The following LRP2BP variants were observed in gnomAD, a reference collection of about 807,000 sequenced individuals.
LRP2BP encodes the protein LRP2-binding protein.
LRP2BP carries 38 observed loss-of-function variants against 45.2 expected under a neutral mutation model. The observed-to-expected ratio is 0.84, with a 90% confidence interval of 0.65 to 1.10. LRP2BP has a LOEUF of 1.10. Among genes scored for constraint, LRP2BP ranks in the 50% least tolerant of loss-of-function variants. The pLI is 0.00. For synonymous variants in LRP2BP, 153 were observed against 153.9 expected (o/e 0.99, Z 0.04); for missense variants, 385 against 418.9 (o/e 0.92, Z 0.71).
intron 1 of LRP2BP, among the ~76,000 whole-genome samples, chr4:185,380,456 C>T (rs1006076726): frequency 6.6e-6 from 1 of 152,124 alleles, no homozygotes; most frequent in African/African-American, 2.4e-5. Context: ...CTGGTGGTTT[C>T]TGGTGATGTC....
chr4:185,395,214 ATAAC>A lies in LRP2BP; in HGVS notation c.-461_-458del, dbSNP rs2095498670. The A allele has an allele frequency of 3.0e-6, 3 of 985,444 alleles. No homozygotes were observed. The highest frequency in any genetic ancestry group is 3.6e-6 in the Non-Finnish European group (3 of 829,902). The allele number at this position is 985,444 out of a possible 1,614,324, so 61.0% of individuals were successfully genotyped here. On this transcript the variant is annotated 5_prime_UTR_variant, in exon 1 of 9. Coordinates refer to ENST00000505916, the MANE Select transcript of LRP2BP (RefSeq NM_001377440.1). The stretch of plus-strand genomic sequence containing the variant: ...TACGTATGTAACAGGAAGTTAAAAA[ATAAC>A]TACCACTTAATGCATACTGAACAGA...
In LRP2BP at chr4:185,367,261, A is replaced by G; in HGVS notation, c.979-16T>C. 6 of 1,607,342 alleles carry G rather than the reference A, an allele frequency of 3.7e-6. No individual in the cohort carries two copies. The highest frequency in any genetic ancestry group is 5.1e-6 in the Non-Finnish European group (6 of 1,175,088). The stretch of plus-strand genomic sequence containing the variant: ...GACGACAAGCCTTAAAATCAAAAAG[A>G]GTCAGATATTTAGATACATTCTAAT... On this transcript the variant is annotated splice_polypyrimidine_tract_variant and intron_variant, in intron 8 of 8. Transcript: ENST00000505916.
chr4:185,386,306 A>G (rs754738805), intron 1 of LRP2BP, among the ~76,000 whole-genome samples: 11 of 152,240 alleles, frequency 7.2e-5, no homozygotes, highest in Non-Finnish European at 1.0e-4. Flanking sequence ...AATGAACAAA[A>G]ATGAAAAGCA....
rs377259263 is a variant in LRP2BP, at chr4:185,374,066, C to A, written c.579+69G>T. 1.2e-5 allele frequency: 15 copies of A among 1,278,086 alleles called. No homozygotes were observed. In the African/African-American group the frequency reaches 1.5e-4, roughly 13 times the overall value. 79.2% of individuals were successfully genotyped at this position (1,278,086 alleles called of 1,614,324 possible). ...TTAAAACGACATTCCCCACCATTTT[C>A]TCAAAAAAAGCAGTGAAACAAATAT... is the stretch of plus-strand genomic sequence containing the variant. On this transcript the variant is annotated intron_variant, in intron 6 of 8. Transcript: ENST00000505916.
intron 1 of LRP2BP, among the ~76,000 whole-genome samples, chr4:185,392,558 A>G (rs996384742): frequency 5.9e-5 from 9 of 152,094 alleles, no homozygotes; most frequent in Non-Finnish European, 8.8e-5. Flanking sequence ...TGAAGCCCAG[A>G]ATTATATTTG....
intron 1 of LRP2BP, among the ~76,000 whole-genome samples, chr4:185,390,127 A>T (rs936273774): frequency 6.6e-6 from 1 of 152,216 alleles, no homozygotes; most frequent in Non-Finnish European, 1.5e-5. Context: ...ATCTACTTCG[A>T]AACAAGTTTT....
chr4:185,373,775 T>C (rs2095424055), intron 6 of LRP2BP, among the ~76,000 whole-genome samples: 1 of 152,246 alleles, frequency 6.6e-6, no homozygotes, highest in African/African-American at 2.4e-5. Flanking sequence ...ATGGATTTTA[T>C]TTGTAACTAA....
chr4:185,379,680 G>A (rs2095449501), intron 1 of LRP2BP, among the ~76,000 whole-genome samples: 1 of 152,022 alleles, frequency 6.6e-6, no homozygotes, highest in Non-Finnish European at 1.5e-5. Context: ...ACGAAATAAG[G>A]TTCATTATGA....
Position 185,366,127 on chromosome 4 carries a change from G to A in LRP2BP, c.*1053C>T, listed in dbSNP as rs140419974. 7 of 152,292 alleles carry A rather than the reference G, an allele frequency of 4.6e-5. No homozygotes were observed. Among genetic ancestry groups the A allele is most frequent in the African/African-American group, 1.7e-4 (7 of 41,552 alleles). 9.4% of individuals were successfully genotyped at this position (152,292 alleles called of 1,614,324 possible). ...TAAGGTATCTCTGAGACCTGTCTTC[G>A]ATATGTATATTTGTTTCACAAATGA... is the stretch of plus-strand genomic sequence containing the variant. On this transcript the variant is annotated 3_prime_UTR_variant, in exon 9 of 9. Coordinates refer to ENST00000505916, the MANE Select transcript of LRP2BP (RefSeq NM_001377440.1).
chr4:185,396,807 C>T (rs2095504576), upstream of LRP2BP: 3 of 1,132,414 alleles, frequency 2.6e-6, no homozygotes, highest in Non-Finnish European at 3.9e-6. Flanking sequence ...GAAGTCCCAG[C>T]GGTCTTTAAA....
At chr4:185,383,674 T>C (rs1420542447) in intron 1 of LRP2BP, among the ~76,000 whole-genome samples, 1 of 152,248 alleles carries the variant, frequency 6.6e-6, no homozygotes, top group African/African-American at 2.4e-5. Flanking sequence ...CTGGTTTTGC[T>C]GTGTTTAAAC....
At chr4:185,387,925 C>T (rs2126838262) in intron 1 of LRP2BP, among the ~76,000 whole-genome samples, 1 of 152,316 alleles carries the variant, frequency 6.6e-6, no homozygotes, top group Non-Finnish European at 1.5e-5. Context: ...TGATTCCTCC[C>T]TCTCTAACTC....
In LRP2BP at chr4:185,377,948, A is replaced by T. The variant is rs187062564; in HGVS notation, c.106+133T>A. The T allele has an allele frequency of 5.7e-6, 4 of 706,944 alleles. No individual in the cohort carries two copies. In the Admixed American group the frequency reaches 1.3e-4, roughly 23 times the overall value. The allele number at this position is 706,944 out of a possible 1,614,324, so 43.8% of individuals were successfully genotyped here. On this transcript the variant is annotated intron_variant, in intron 2 of 8. Coordinates refer to ENST00000505916, the MANE Select transcript of LRP2BP (RefSeq NM_001377440.1). ...CAATTTCACAGATTCTTGCGGGAAA[A>T]CTCAAAAGGACTAATGATTAACCAC...
At chr4:185,378,727 T>A (rs995256148) in intron 1 of LRP2BP, 5 of 985,832 alleles carry the variant, frequency 5.1e-6, no homozygotes, top group Non-Finnish European at 6.0e-6. Flanking sequence ...TGGATCACAG[T>A]TGAATGGTAA....
intron 1 of LRP2BP, among the ~76,000 whole-genome samples, chr4:185,383,030 A>G (rs1456995359): frequency 4.6e-5 from 7 of 152,160 alleles, no homozygotes; most frequent in Non-Finnish European, 1.5e-5. Context: ...TTGCATGTGG[A>G]TATCCATTTG....
At chr4:185,376,103 GTTGAGGGGACA>G (rs2095436558) in intron 3 of LRP2BP, among the ~76,000 whole-genome samples, 1 of 152,120 alleles carries the variant, frequency 6.6e-6, no homozygotes, top group Non-Finnish European at 1.5e-5. Flanking sequence ...CATTACTGAA[GTTGAGGGGACA>G]GCTGGCATAG....
In LRP2BP at chr4:185,376,889, G is replaced by T; in HGVS notation, c.216+20C>A. ...CAACAGAATTACAGGAAATGAAAAC[G>T]AATAAACAAAAAATGATACCTCTTC... On this transcript the variant is annotated intron_variant, in intron 3 of 8. Transcript: ENST00000505916. 18 of 1,556,272 alleles carry T rather than the reference G, an allele frequency of 1.2e-5. No homozygotes were observed. Among genetic ancestry groups the T allele is most frequent in the Non-Finnish European group, 1.6e-5 (18 of 1,129,256 alleles).
chr4:185,377,039 A>C, intron 2 of LRP2BP, 21 bp from the exon 3 acceptor site: 1 of 1,482,826 alleles, frequency 6.7e-7, no homozygotes, highest in Non-Finnish European at 9.4e-7. Flanking sequence ...AAAGGTAAGG[A>C]ATTCCATCAA....
intron 1 of LRP2BP, among the ~76,000 whole-genome samples, chr4:185,394,508 G>A (rs550710233): frequency 6.6e-6 from 1 of 152,224 alleles, no homozygotes; most frequent in African/African-American, 2.4e-5. Context: ...TTAGTCTTGA[G>A]GCACAAGTGC....
Sources: gnomAD v4.1 joint callset for allele counts (sites outside exome capture counted in the v4.1 genomes callset) on GRCh38, gnomAD v4.1.1 for gene constraint, MANE v1.5 for transcripts, NCBI Gene and HGNC (gene_info 2026-07-23, HGNC 2026-07-21) for gene names.